ZBTB42: variants seen among roughly 807,000 people sequenced by gnomAD.
ZBTB42 encodes the protein zinc finger and BTB domain containing 42.
In ZBTB42, 3 loss-of-function variants were observed where a neutral mutation model predicts 4.7. The observed-to-expected ratio is 0.64, with a 90% confidence interval of 0.29 to 1.66. ZBTB42 has a LOEUF of 1.66. ZBTB42 is among the 40% of genes most tolerant of loss of function. The pLI is 0.10. For missense variants in ZBTB42, 521 were observed against 577.1 expected (o/e 0.90, Z 1.00); for synonymous variants, 255 against 259.5 (o/e 0.98, Z 0.17).
rs1368607213 is a variant in ZBTB42, at chr14:104,802,228, C to T, written c.1031C>T (p.Ser344Leu). 1.4e-5 allele frequency: 21 copies of T among 1,550,062 alleles called. No individual in the cohort carries two copies. Among genetic ancestry groups the T allele is most frequent in the Middle Eastern group, 3.3e-4 (2 of 6,014 alleles). Reference sequence around the variant, plus strand: ...TGCCCGCTCTGTGGGAAGACCTTCTCGTGCACATACACACTGAAGAGGCAC... The same window carrying T: ...TGCCCGCTCTGTGGGAAGACCTTCTTGTGCACATACACACTGAAGAGGCAC... ...PTCPLCGKTF[S>L]CTYTLKRHER... Residue 344 changes from serine to leucine, a missense_variant, in exon 1 of 1, where the codon TCG (serine) becomes TTG (leucine). By Grantham distance (145) the Ser-to-Leu change is moderately radical. Coordinates refer to ENST00000342537, the MANE Select transcript of ZBTB42 (RefSeq NM_001137601.3). The surrounding 1 kb of genome is among the most constrained non-coding windows in gnomAD (Gnocchi z 5.9).
chr14:104,802,566 C>T lies in ZBTB42; in HGVS notation c.*100C>T. 6.9e-7 allele frequency: 1 copy of T among 1,455,018 alleles called. No homozygotes were observed. The highest frequency in any genetic ancestry group is 9.1e-7 in the Non-Finnish European group (1 of 1,093,540). 90.1% of individuals were successfully genotyped at this position (1,455,018 alleles called of 1,614,324 possible). On this transcript the variant is annotated 3_prime_UTR_variant, in exon 1 of 1. Transcript: ENST00000342537. The surrounding 1 kb of genome is among the most constrained non-coding windows in gnomAD (Gnocchi z 5.9). ...GTGAAGCCTGACCAGGTGGAGGTCC[C>T]TGCTTGGGCCAGATGGCTCCACCCT...
At position 104,802,972 on chromosome 14, in the gene ZBTB42, G is replaced by A. The variant is rs960303447; in HGVS notation, c.*506G>A. On this transcript the variant is annotated 3_prime_UTR_variant, in exon 1 of 1. Transcript: ENST00000342537. The surrounding 1 kb of genome is among the most constrained non-coding windows in gnomAD (Gnocchi z 5.9). Reference sequence around the variant, plus strand: ...CCCAATGGGGCGCTGGGAGGGAACAGGACACTCCTGGGGAGCGGCAGCAGG... The same window carrying A: ...CCCAATGGGGCGCTGGGAGGGAACAAGACACTCCTGGGGAGCGGCAGCAGG... 5.6e-6 allele frequency: 1 copy of A among 178,266 alleles called. No individual in the cohort carries two copies. The highest frequency in any genetic ancestry group is 1.3e-5 in the Non-Finnish European group (1 of 75,268). 11.0% of individuals were successfully genotyped at this position (178,266 alleles called of 1,614,324 possible). A position where few individuals can be genotyped will look rare whatever the true frequency, so the allele number is the denominator to read the frequency against.
rs1286555363 is a variant in ZBTB42 at position 104,802,354 on chromosome 14, G to C, written c.1157G>C (p.Arg386Pro). The C allele has an allele frequency of 1.3e-6, 2 of 1,550,358 alleles. No individual in the cohort carries two copies. Among genetic ancestry groups the C allele is most frequent in the Non-Finnish European group, 1.7e-6 (2 of 1,146,996 alleles). Residue 386 changes from arginine (R) to proline (P), a missense_variant, in exon 1 of 1, where the codon CGA (arginine) becomes CCA (proline). Arg to Pro is a moderately radical substitution (Grantham distance 103). Coordinates refer to ENST00000342537, the MANE Select transcript of ZBTB42 (RefSeq NM_001137601.3). This position sits in a 1 kb window ranked among gnomAD's most constrained non-coding sequence, Gnocchi z 5.9. ...NLSRHTVVHT[R>P]EKPHACRWCE... ...AGCCGGCACACCGTAGTGCACACTC[G>C]AGAGAAGCCGCATGCCTGCCGGTGG...
chr14:104,800,689 G>C (rs943841486), upstream of ZBTB42: 2 of 146,428 alleles, frequency 1.4e-5, no homozygotes, highest in African/African-American at 2.4e-5. The surrounding 1 kb of genome is among the most constrained non-coding windows in gnomAD (Gnocchi z 5.3). Flanking sequence ...AGAGGAGCTC[G>C]GGGCGGCGGA....
In ZBTB42 at chr14:104,801,178, C is replaced by T; in HGVS notation, c.-20C>T. 1.4e-6 allele frequency: 2 copies of T among 1,404,432 alleles called. No individual in the cohort carries two copies. Among genetic ancestry groups the T allele is most frequent in the Non-Finnish European group, 1.8e-6 (2 of 1,084,714 alleles). The allele number at this position is 1,404,432 out of a possible 1,614,324, so 87.0% of individuals were successfully genotyped here. ...CGCTGACGGGCGTCCCGTTTGTGCC[C>T]AGGTGATGACGGCGGCGGCATGGAG... On this transcript the variant is annotated 5_prime_UTR_variant, in exon 1 of 1. Coordinates refer to ENST00000342537, the MANE Select transcript of ZBTB42 (RefSeq NM_001137601.3). The surrounding 1 kb of genome is among the most constrained non-coding windows in gnomAD (Gnocchi z 4.4).
chr14:104,801,678 C>T lies in ZBTB42; in HGVS notation c.481C>T (p.Pro161Ser). 6.5e-7 allele frequency: 1 copy of T among 1,550,300 alleles called. No individual in the cohort carries two copies. The highest frequency in any genetic ancestry group is 8.7e-7 in the Non-Finnish European group (1 of 1,146,936). ...AGCTGCCCGAAAGGCCAAGCTCCCC[C>T]CGTTTGGGGTCAAGGCTGCCCTCCC... ...CPAARKAKLP[P>S]FGVKAALPPR... Residue 161 changes from proline (P) to serine (S), a missense_variant, in exon 1 of 1, where the codon CCG (proline) becomes TCG (serine). Transcript: ENST00000342537. The surrounding 1 kb of genome is among the most constrained non-coding windows in gnomAD (Gnocchi z 4.4).
upstream of ZBTB42, chr14:104,800,729 T>C (rs1894019381): frequency 6.9e-6 from 1 of 144,954 alleles, no homozygotes; most frequent in Non-Finnish European, 1.5e-5. This position sits in a 1 kb window ranked among gnomAD's most constrained non-coding sequence, Gnocchi z 5.3. Context: ...CTCCCGGCTC[T>C]GCCCGCCCCG....
At chr14:104,800,608 G>C (rs1441456947), upstream of ZBTB42, 1 of 146,382 alleles carries the variant, frequency 6.8e-6, no homozygotes, top group African/African-American at 2.5e-5. The surrounding 1 kb of genome is among the most constrained non-coding windows in gnomAD (Gnocchi z 5.3). Flanking sequence ...CTCCCCGCCG[G>C]GGCGCGCTGC....
Position 104,801,109 on chromosome 14 carries a change from G to A in ZBTB42, c.-89G>A. 1 of 1,367,626 alleles carries A rather than the reference G, an allele frequency of 7.3e-7. No individual in the cohort carries two copies. The highest frequency in any genetic ancestry group is 9.4e-7 in the Non-Finnish European group (1 of 1,065,960). The allele number at this position is 1,367,626 out of a possible 1,614,324, so 84.7% of individuals were successfully genotyped here. A position where few individuals can be genotyped will look rare whatever the true frequency, so the allele number is the denominator to read the frequency against. ...GTCACTCCCGCGCCGCTCTTTCCGC[G>A]CTGCCTGCAGCCGGGAAGGGCGCTT... On this transcript the variant is annotated 5_prime_UTR_variant, in exon 1 of 1. Coordinates refer to ENST00000342537, the MANE Select transcript of ZBTB42 (RefSeq NM_001137601.3). This position sits in a 1 kb window ranked among gnomAD's most constrained non-coding sequence, Gnocchi z 4.4.
Position 104,801,528 on chromosome 14 carries a change from G to T in ZBTB42, c.331G>T (p.Val111Phe). The T allele has an allele frequency of 6.5e-7, 1 of 1,550,176 alleles. No individual in the cohort carries two copies. Among genetic ancestry groups the T allele is most frequent in the South Asian group, 1.2e-5 (1 of 84,064 alleles). The stretch of plus-strand genomic sequence containing the variant: ...CAGCTACCTGCACATGTATGACATC[G>T]TCAAGGTCTGCAAGGGCAGGCTCCA... Reference protein sequence around the residue: ...AASYLHMYDIVKVCKGRLQEK... With the variant: ...AASYLHMYDIFKVCKGRLQEK... Residue 111 changes from valine to phenylalanine, a missense_variant, in exon 1 of 1, where the codon GTC becomes TTC. Physicochemically the swap from Val to Phe is conservative, Grantham distance 50. Coordinates refer to ENST00000342537, the MANE Select transcript of ZBTB42 (RefSeq NM_001137601.3). The surrounding 1 kb of genome is among the most constrained non-coding windows in gnomAD (Gnocchi z 4.4).
Position 104,801,166 on chromosome 14 carries a change from C to A in ZBTB42, c.-32C>A. ...CGCCTCCAGGCGCGCTGACGGGCGT[C>A]CCGTTTGTGCCCAGGTGATGACGGC... On this transcript the variant is annotated 5_prime_UTR_variant, in exon 1 of 1. Coordinates refer to ENST00000342537, the MANE Select transcript of ZBTB42 (RefSeq NM_001137601.3). This position sits in a 1 kb window ranked among gnomAD's most constrained non-coding sequence, Gnocchi z 4.4. The A allele has an allele frequency of 7.2e-7, 1 of 1,384,318 alleles. No individual in the cohort carries two copies. Among genetic ancestry groups the A allele is most frequent in the East Asian group, 2.9e-5 (1 of 34,204 alleles). The allele number at this position is 1,384,318 out of a possible 1,614,324, so 85.8% of individuals were successfully genotyped here.
Position 104,801,812 on chromosome 14 carries a change from C to G in ZBTB42, c.615C>G (p.Cys205Trp). Residue 205 changes from cysteine to tryptophan, a missense_variant, in exon 1 of 1, where the codon TGC becomes TGG. Transcript: ENST00000342537. The surrounding 1 kb of genome is among the most constrained non-coding windows in gnomAD (Gnocchi z 4.4). ...GGCAGGAGCGGGTCCACCCACCGTG[C>G]GTCCTCCAGACACCCCTCTGCAGCC... ...GPRQERVHPP[C>W]VLQTPLCSQR... 1 of 1,549,962 alleles carries G rather than the reference C, an allele frequency of 6.5e-7. No individual in the cohort carries two copies. Among genetic ancestry groups the G allele is most frequent in the South Asian group, 1.2e-5 (1 of 84,004 alleles).
At position 104,802,241 on chromosome 14, in the gene ZBTB42, A is replaced by G. The variant is rs1894063559; in HGVS notation, c.1044A>G (p.Thr348=). ...LCGKTFSCTY[T]LKRHERTHSG... is the part of the protein sequence containing the mutation. ...GGAAGACCTTCTCGTGCACATACACACTGAAGAGGCACGAGCGGACACACT... is the reference window on the plus strand; with the variant it reads ...GGAAGACCTTCTCGTGCACATACACGCTGAAGAGGCACGAGCGGACACACT... Residue 348 remains threonine (T), a synonymous_variant, in exon 1 of 1, where the codon ACA becomes ACG. Transcript: ENST00000342537. This position sits in a 1 kb window ranked among gnomAD's most constrained non-coding sequence, Gnocchi z 5.9. 1.3e-6 allele frequency: 2 copies of G among 1,550,316 alleles called. No individual in the cohort carries two copies. Among genetic ancestry groups the G allele is most frequent in the Non-Finnish European group, 1.7e-6 (2 of 1,146,970 alleles).
chr14:104,800,924 A>G (rs1894025339), upstream of ZBTB42: 1 of 313,726 alleles, frequency 3.2e-6, no homozygotes, highest in Non-Finnish European at 5.8e-6. The surrounding 1 kb of genome is among the most constrained non-coding windows in gnomAD (Gnocchi z 5.3). Context: ...GAAGTTCAGG[A>G]GCGCCCGGGC....
At chr14:104,801,017 A>G (rs528036812), upstream of ZBTB42, 485 of 701,266 alleles carry the variant, frequency 6.9e-4, 3 homozygotes, top group African/African-American at 6.8e-3. This position sits in a 1 kb window ranked among gnomAD's most constrained non-coding sequence, Gnocchi z 4.4. Flanking sequence ...GCTACTGTTT[A>G]CTTTCGATCG....
At position 104,803,900 on chromosome 14, in the gene ZBTB42, T is replaced by C. The variant is rs1474031472; in HGVS notation, c.*1434T>C. On this transcript the variant is annotated 3_prime_UTR_variant, in exon 1 of 1. Transcript: ENST00000342537. ...CATCTCCTGACAACACTGGATGTCA[T>C]ATTTATTAGTCAGCCTGGTCTGGAG... 1.2e-5 allele frequency: 2 copies of C among 166,478 alleles called. No homozygotes were observed. The highest frequency in any genetic ancestry group is 4.8e-5 in the African/African-American group (2 of 41,440). 10.3% of individuals were successfully genotyped at this position (166,478 alleles called of 1,614,324 possible).
chr14:104,801,301 T>G lies in ZBTB42; in HGVS notation c.104T>G (p.Phe35Cys), dbSNP rs1894037071. The G allele has an allele frequency of 2.6e-6, 4 of 1,545,712 alleles. No individual in the cohort carries two copies. In the African/African-American group the frequency reaches 5.5e-5, roughly 21 times the overall value. ...DCTVLVGDAR[F>C]PAHRAVLAAC... Reference sequence around the variant, plus strand: ...ACCGTGCTGGTGGGCGACGCGCGCTTCCCGGCCCACCGTGCCGTGCTGGCC... The same window carrying G: ...ACCGTGCTGGTGGGCGACGCGCGCTGCCCGGCCCACCGTGCCGTGCTGGCC... Residue 35 changes from phenylalanine to cysteine, a missense_variant, in exon 1 of 1, where the codon TTC (phenylalanine) becomes TGC (cysteine). Transcript: ENST00000342537. The surrounding 1 kb of genome is among the most constrained non-coding windows in gnomAD (Gnocchi z 4.4).
chr14:104,801,640 C>T lies in ZBTB42; in HGVS notation c.443C>T (p.Ala148Val), dbSNP rs1181401311. ...CCGTGCCCCTGGCCTGTCTGGACCG[C>T]GGACCTCTGCCCAGCTGCCCGAAAG... ...QPPCPWPVWTADLCPAARKAK... is the reference protein window; with the variant it reads ...QPPCPWPVWTVDLCPAARKAK... The change falls in exon 1 of 1, where the codon GCG (alanine) becomes GTG (valine). Residue 148 changes from alanine to valine, a missense_variant. Transcript: ENST00000342537. This position sits in a 1 kb window ranked among gnomAD's most constrained non-coding sequence, Gnocchi z 4.4. 2 of 1,550,284 alleles carry T rather than the reference C, an allele frequency of 1.3e-6. No individual in the cohort carries two copies. The highest frequency in any genetic ancestry group is 1.4e-5 in the African/African-American group (1 of 73,192).
chr14:104,802,236 T>A lies in ZBTB42; in HGVS notation c.1039T>A (p.Tyr347Asn). The stretch of plus-strand genomic sequence containing the variant: ...CTGTGGGAAGACCTTCTCGTGCACA[T>A]ACACACTGAAGAGGCACGAGCGGAC... ...PLCGKTFSCT[Y>N]TLKRHERTHS... Residue 347 changes from tyrosine to asparagine, a missense_variant, in exon 1 of 1, where the codon TAC becomes AAC. By Grantham distance (143) the Tyr-to-Asn change is moderately radical (BLOSUM62 -2). Transcript: ENST00000342537. This position sits in a 1 kb window ranked among gnomAD's most constrained non-coding sequence, Gnocchi z 5.9. The A allele has an allele frequency of 6.5e-7, 1 of 1,550,276 alleles. No individual in the cohort carries two copies. The highest frequency in any genetic ancestry group is 2.0e-5 in the Admixed American group (1 of 51,014).
Sources: allele counts gnomAD v4.1 joint callset, GRCh38; gene constraint gnomAD v4.1.1; non-coding constraint Gnocchi (gnomAD v3.1); transcripts MANE v1.5; gene names NCBI Gene and HGNC (gene_info 2026-07-23, HGNC 2026-07-21).